DSC2: variants seen among roughly 807,000 people sequenced by gnomAD.
The protein encoded by DSC2 is desmocollin 2.
DSC2 carries 51 observed loss-of-function variants against 87.6 expected under a neutral mutation model. The observed-to-expected ratio is 0.58, with a 90% CI of 0.46 to 0.74. The LOEUF is 0.74. Among genes scored for constraint, DSC2 ranks in the 30% least tolerant of loss-of-function variants. DSC2 has a pLI of 0.00. For synonymous variants in DSC2, 383 were observed against 393.2 expected (o/e 0.97, Z 0.31); for missense variants, 1,066 against 1,089.5 (o/e 0.98, Z 0.30).
chr18:31,091,225 C>T, intron 3 of DSC2, 78 bp from the exon 4 acceptor site: 1 of 1,572,926 alleles, frequency 6.4e-7, no homozygotes, highest in South Asian at 1.1e-5. Context: ...ACACATCTTT[C>T]TCCTCTCAGG....
rs1002163402 is a variant in DSC2, at chr18:31,060,230, A to C, written c.*7785T>G. On this transcript the variant is annotated 3_prime_UTR_variant, in exon 16 of 16. Transcript: ENST00000280904. ...TGCATGTGAGTAGAATCTTTACACTATTCTCTTACTTCTTTTGGATAAATC... is the reference window on the plus strand; with the variant it reads ...TGCATGTGAGTAGAATCTTTACACTCTTCTCTTACTTCTTTTGGATAAATC... The C allele has an allele frequency of 2.0e-5, 3 of 152,028 alleles. No homozygotes were observed. The highest frequency in any genetic ancestry group is 1.3e-4 in the Admixed American group (2 of 15,240). The allele number at this position is 152,028 out of a possible 1,614,324, so 9.4% of individuals were successfully genotyped here. A position where few individuals can be genotyped will look rare whatever the true frequency, so the allele number is the denominator to read the frequency against.
Position 31,082,418 on chromosome 18 carries a change from CA to C in DSC2, c.1082del (p.Val361GlyfsTer23). 1 of 1,613,008 alleles carries C rather than the reference CA, an allele frequency of 6.2e-7. No individual in the cohort carries two copies. The highest frequency in any genetic ancestry group is 8.5e-7 in the Non-Finnish European group (1 of 1,179,860). ...CAACTGTATTTTCTTCCACTGATGT[CA>C]CATACTAAAATAATAAAAGCAAACA... ...HLPTFTRTSY[V>X]TSVEENTVDV... is the part of the protein sequence containing the mutation. On this transcript the variant is annotated frameshift_variant, in exon 9 of 16. Transcript: ENST00000280904. LOFTEE classifies it high-confidence loss of function.
chr18:31,089,036 G>A lies in DSC2; in HGVS notation c.630+403C>T, dbSNP rs576482390. ...AAAAATTAGCTGGGTATCATGGTGC[G>A]TGCCTGTGATCCCAGCTACTCAGGA... On this transcript the variant is annotated intron_variant, in intron 5 of 15. Transcript: ENST00000280904. Among the ~76,000 whole-genome samples, 195 of 151,816 alleles carry A rather than the reference G, an allele frequency of 1.3e-3. 4 individuals carry two copies. Among genetic ancestry groups the A allele is most frequent in the Non-Finnish European group, 1.2e-3 (83 of 67,926 alleles).
At chr18:31,098,507 T>C (rs1420236666) in intron 1 of DSC2, among the ~76,000 whole-genome samples, 1 of 151,958 alleles carries the variant, frequency 6.6e-6, no homozygotes, top group Non-Finnish European at 1.5e-5. Context: ...CAGGCCGGAG[T>C]GCAGTGGTGC....
rs1305504670 is a variant in DSC2, at chr18:31,066,833, C to A, written c.*1182G>T. 1 of 151,868 alleles carries A rather than the reference C, an allele frequency of 6.6e-6. No individual in the cohort carries two copies. Among genetic ancestry groups the A allele is most frequent in the Non-Finnish European group, 1.5e-5 (1 of 67,940 alleles). The allele number at this position is 151,868 out of a possible 1,614,324, so 9.4% of individuals were successfully genotyped here. Reference sequence around the variant, plus strand: ...TTTATCTAAGTTATAAAATAGTTACCCCAGGGAGCCTTCAAGATCCCTATA... The same window carrying A: ...TTTATCTAAGTTATAAAATAGTTACACCAGGGAGCCTTCAAGATCCCTATA... On this transcript the variant is annotated 3_prime_UTR_variant, in exon 16 of 16. Transcript: ENST00000280904.
intron 7 of DSC2, among the ~76,000 whole-genome samples, chr18:31,084,082 T>A (rs1322995913): frequency 1.3e-5 from 2 of 152,172 alleles, no homozygotes; most frequent in African/African-American, 4.8e-5. Flanking sequence ...TTAAAATCTA[T>A]CCTCATCTTC....
chr18:31,094,006 G>A (rs1254402899), intron 1 of DSC2, among the ~76,000 whole-genome samples: 1 of 152,032 alleles, frequency 6.6e-6, no homozygotes, highest in Non-Finnish European at 1.5e-5. Context: ...CAAAAAGCTT[G>A]TAAACTCAAA....
At chr18:31,099,575 T>TGAGTG (rs1018501273) in intron 1 of DSC2, among the ~76,000 whole-genome samples, 1 of 151,522 alleles carries the variant, frequency 6.6e-6, no homozygotes, top group Non-Finnish European at 1.5e-5. Flanking sequence ...AGTCAGACCC[T>TGAGTG]GAGTGGTCAG....
chr18:31,073,948 G>A (rs780873552), intron 12 of DSC2, among the ~76,000 whole-genome samples: 35 of 152,222 alleles, frequency 2.3e-4, no homozygotes, highest in Non-Finnish European at 4.1e-4. Flanking sequence ...TGGACACTGT[G>A]GTGTATATCT....
chr18:31,080,399 T>C, intron 9 of DSC2, 47 bp from the exon 10 acceptor site: 4 of 1,605,278 alleles, frequency 2.5e-6, no homozygotes, highest in Non-Finnish European at 3.4e-6. Flanking sequence ...CATTTAATAT[T>C]TGGCAATGCT....
chr18:31,085,664 T>A (rs1789062), intron 7 of DSC2, among the ~76,000 whole-genome samples: 151,381 of 151,952 alleles, frequency 1, 75,413 homozygotes, highest in Middle Eastern at 1. Context: ...TTTGAGAACC[T>A]CTACCCTAAT....
At chr18:31,088,630 C>A (rs1449418425) in intron 5 of DSC2, among the ~76,000 whole-genome samples, 1 of 152,102 alleles carries the variant, frequency 6.6e-6, no homozygotes, top group Non-Finnish European at 1.5e-5. Flanking sequence ...GTTGGGAAAT[C>A]AAACCAGCAT....
intron 11 of DSC2, among the ~76,000 whole-genome samples, chr18:31,078,545 G>A (rs1987096386): frequency 2.6e-5 from 4 of 151,854 alleles, no homozygotes; most frequent in Admixed American, 6.6e-5. Flanking sequence ...TCCAAGTGCC[G>A]TTGAGTTTCA....
In DSC2 at chr18:31,068,004, T is replaced by G. The variant is rs755764064; in HGVS notation, c.*11A>C. ...AAAGCCACTGGCTTTCAGAGACTTA[T>G]TAGAACACACTCATCTCTTCATGCA... On this transcript the variant is annotated 3_prime_UTR_variant, in exon 16 of 16. Coordinates refer to ENST00000280904, the MANE Select transcript of DSC2 (RefSeq NM_024422.6). The G allele has an allele frequency of 9.9e-6, 16 of 1,613,418 alleles. No individual in the cohort carries two copies. The South Asian group carries it at 1.4e-4, about 14-fold the overall frequency.
chr18:31,102,019 G>T lies in DSC2; in HGVS notation c.-48C>A. Reference sequence around the variant, plus strand: ...CGGGCCGAGCGTCGGGCCGGGGTAGGAGGGCTCCGCGGGGCGAGGGCCGCG... The same window carrying T: ...CGGGCCGAGCGTCGGGCCGGGGTAGTAGGGCTCCGCGGGGCGAGGGCCGCG... On this transcript the variant is annotated 5_prime_UTR_variant, in exon 1 of 16. Transcript: ENST00000280904. 7.1e-7 allele frequency: 1 copy of T among 1,403,100 alleles called. No individual in the cohort carries two copies. 86.9% of individuals were successfully genotyped at this position (1,403,100 alleles called of 1,614,324 possible).
chr18:31,097,611 G>A (rs935925140), intron 1 of DSC2, among the ~76,000 whole-genome samples: 15 of 151,596 alleles, frequency 9.9e-5, no homozygotes, highest in Non-Finnish European at 5.9e-5. Flanking sequence ...GCAATGAAAG[G>A]CTATCAACCC....
Position 31,068,113 on chromosome 18 carries a change from C to G in DSC2, c.2608G>C (p.Gly870Arg). 3.7e-6 allele frequency: 6 copies of G among 1,614,072 alleles called. No homozygotes were observed. The highest frequency in any genetic ancestry group is 2.2e-5 in the East Asian group (1 of 44,858). ...TCTTCTTGTCGTTCACTGCAACAAC[C>G]TACAGACCCAGCCACCGATCCTCTT... ...EGRGSVAGSV[G>R]CCSERQEEDG... is the part of the protein sequence containing the mutation. Residue 870 changes from glycine (G) to arginine (R), a missense_variant, in exon 16 of 16, where the codon GGT (glycine) becomes CGT (arginine). Coordinates refer to ENST00000280904, the MANE Select transcript of DSC2 (RefSeq NM_024422.6).
Position 31,092,071 on chromosome 18 carries a change from T to A in DSC2, c.354+30A>T, listed in dbSNP as rs192669482. 1.9e-6 allele frequency: 3 copies of A among 1,582,188 alleles called. No individual in the cohort carries two copies. In the African/African-American group the frequency reaches 4.1e-5, roughly 21 times the overall value. On this transcript the variant is annotated intron_variant, in intron 3 of 15. Coordinates refer to ENST00000280904, the MANE Select transcript of DSC2 (RefSeq NM_024422.6). ...GTTGATTACGTCTGAAGAAAAGATA[T>A]CATTTCTTCATTTATGTAGCCTTGT... is the stretch of plus-strand genomic sequence containing the variant.
chr18:31,100,813 T>C (rs1456246870), intron 1 of DSC2, among the ~76,000 whole-genome samples: 4 of 152,180 alleles, frequency 2.6e-5, no homozygotes, highest in African/African-American at 9.7e-5. Flanking sequence ...CAAGGAGCAC[T>C]TTTCCACACC....
Sources: allele counts gnomAD v4.1 joint callset (sites outside exome capture counted in the v4.1 genomes callset), GRCh38; gene constraint gnomAD v4.1.1; transcripts MANE v1.5; gene names NCBI Gene and HGNC (gene_info 2026-07-23, HGNC 2026-07-21).